The following OR4N2 variants were observed in gnomAD, a reference collection of about 807,000 sequenced individuals.
OR4N2 encodes olfactory receptor family 4 subfamily N member 2.
For missense variants in OR4N2, 307 were observed against 377.6 expected (o/e 0.81, Z 1.55); for synonymous variants, 141 against 140.4 (o/e 1.00, Z -0.03).
intron 1 of OR4N2, chr14:19,821,875 T>C (rs1235506365): frequency 2.5e-4 from 38 of 152,244 alleles, no homozygotes; most frequent in African/African-American, 9.2e-4. Flanking sequence ...AAATCTAAGG[T>C]TCCTCATGTG....
intron 1 of OR4N2, among the ~76,000 whole-genome samples, chr14:19,805,795 AG>A (rs1346457485): frequency 3.3e-5 from 5 of 152,154 alleles, no homozygotes; most frequent in Admixed American, 6.5e-5. Context: ...GATTCACCAC[AG>A]TTAATGCAAA....
chr14:19,810,765 G>T (rs1169157057), intron 1 of OR4N2, among the ~76,000 whole-genome samples: 1 of 152,208 alleles, frequency 6.6e-6, no homozygotes, highest in East Asian at 1.9e-4. Flanking sequence ...ATTTTGAAAT[G>T]ATTACCAAAA....
At chr14:19,825,903 AT>A in intron 1 of OR4N2, among the ~76,000 whole-genome samples, 1 of 152,232 alleles carries the variant, frequency 6.6e-6, no homozygotes. Flanking sequence ...GTTAAATCAT[AT>A]TAAGAATATC....
chr14:19,821,470 AT>A (rs1261233566), intron 1 of OR4N2, among the ~76,000 whole-genome samples: 1 of 151,934 alleles, frequency 6.6e-6, no homozygotes, highest in Non-Finnish European at 1.5e-5. Flanking sequence ...GTATATATGT[AT>A]TTTTTGCCTC....
rs1481824270 is a variant in OR4N2, at chr14:19,828,318, C to T, written c.870C>T (p.Arg290=). Reference sequence around the variant, plus strand: ...TGAATCCTGTCATTTATACCCTTCGCAACCAGGAAGTGAAAGCTTCCATGA... The same window carrying T: ...TGAATCCTGTCATTTATACCCTTCGTAACCAGGAAGTGAAAGCTTCCATGA... ...PLLNPVIYTL[R]NQEVKASMKK... Residue 290 remains arginine (R), a synonymous_variant, in exon 2 of 2, where the codon CGC becomes CGT. Transcript: ENST00000557677. The T allele has an allele frequency of 6.2e-7, 1 of 1,613,790 alleles. No individual in the cohort carries two copies. Among genetic ancestry groups the T allele is most frequent in the Non-Finnish European group, 8.5e-7 (1 of 1,179,986 alleles).
At chr14:19,812,752 G>A (rs1014074497) in intron 1 of OR4N2, among the ~76,000 whole-genome samples, 3 of 152,190 alleles carry the variant, frequency 2.0e-5, no homozygotes, top group Admixed American at 1.3e-4. Flanking sequence ...TAGTCAAGCT[G>A]AGCATTTTTT....
chr14:19,822,161 ACTCT>A (rs754747101), intron 1 of OR4N2: 30 of 152,248 alleles, frequency 2.0e-4, no homozygotes, highest in Non-Finnish European at 3.7e-4. Context: ...GGCACTATGT[ACTCT>A]CTCTCCTAAT....
At chr14:19,812,510 T>G (rs2138466461) in intron 1 of OR4N2, among the ~76,000 whole-genome samples, 1 of 152,046 alleles carries the variant, frequency 6.6e-6, no homozygotes, top group Admixed American at 6.5e-5. Context: ...TTTTGTTTGT[T>G]TGTTTGTTTG....
chr14:19,810,753 G>A (rs1236873770), intron 1 of OR4N2, among the ~76,000 whole-genome samples: 2 of 152,200 alleles, frequency 1.3e-5, no homozygotes, highest in Non-Finnish European at 2.9e-5. Context: ...TCAGAAATTG[G>A]TATTTTGAAA....
intron 1 of OR4N2, among the ~76,000 whole-genome samples, chr14:19,813,000 A>G (rs1467957101): frequency 6.6e-6 from 1 of 152,266 alleles, no homozygotes; most frequent in African/African-American, 2.4e-5. Flanking sequence ...GAAAAAATCT[A>G]TCCAAGGTGA....
intron 1 of OR4N2, among the ~76,000 whole-genome samples, chr14:19,804,765 C>T (rs1202758333): frequency 6.6e-6 from 1 of 152,182 alleles, no homozygotes; most frequent in African/African-American, 2.4e-5. Context: ...CATTTTCTAT[C>T]TCAATGCTCT....
chr14:19,812,201 T>A (rs747156986), intron 1 of OR4N2, among the ~76,000 whole-genome samples: 29 of 152,244 alleles, frequency 1.9e-4, no homozygotes, highest in African/African-American at 4.1e-4. Flanking sequence ...CTGATTTTTT[T>A]ATATAAAGTG....
intron 1 of OR4N2, chr14:19,822,326 T>A (rs1684264593): frequency 6.6e-6 from 1 of 152,274 alleles, no homozygotes; most frequent in Non-Finnish European, 1.5e-5. Context: ...ATTTTCCTTA[T>A]TAAATATGGA....
At chr14:19,820,697 G>T (rs1436984187) in intron 1 of OR4N2, among the ~76,000 whole-genome samples, 1 of 152,370 alleles carries the variant, frequency 6.6e-6, no homozygotes, top group African/African-American at 2.4e-5. Flanking sequence ...GCTCTGCCCA[G>T]TTCAAACTTC....
In OR4N2 at chr14:19,829,576, T is replaced by C. The variant is rs1199185581; in HGVS notation, c.*1204T>C. 2 of 152,422 alleles carry C rather than the reference T, an allele frequency of 1.3e-5. No homozygotes were observed. The highest frequency in any genetic ancestry group is 2.4e-5 in the African/African-American group (1 of 41,588). 9.4% of individuals were successfully genotyped at this position (152,422 alleles called of 1,614,324 possible). A position where few individuals can be genotyped will look rare whatever the true frequency, so the allele number is the denominator to read the frequency against. ...GTTTGTCTGAAAAACACTACAATTT[T>C]AGCCATGTGCCTGGGATCAAGTTGA... On this transcript the variant is annotated 3_prime_UTR_variant, in exon 2 of 2. Coordinates refer to ENST00000557677, the MANE Select transcript of OR4N2 (RefSeq NM_001004723.3).
At chr14:19,818,131 T>C (rs1879474017) in intron 1 of OR4N2, among the ~76,000 whole-genome samples, 1 of 152,348 alleles carries the variant, frequency 6.6e-6, no homozygotes, top group East Asian at 1.9e-4. Flanking sequence ...TTATAATAAG[T>C]GTGATGTGGT....
intron 1 of OR4N2, among the ~76,000 whole-genome samples, chr14:19,825,265 A>G (rs1181913735): frequency 6.6e-6 from 1 of 152,254 alleles, no homozygotes; most frequent in Non-Finnish European, 1.5e-5. Flanking sequence ...AAATTTCTGT[A>G]TTAACCACTC....
intron 1 of OR4N2, among the ~76,000 whole-genome samples, chr14:19,808,589 G>A (rs1879221959): frequency 6.6e-6 from 1 of 152,100 alleles, no homozygotes; most frequent in Non-Finnish European, 1.5e-5. Context: ...GAAATGAATG[G>A]AAAAAAATTC....
chr14:19,806,771 C>T (rs1265493923), intron 1 of OR4N2, among the ~76,000 whole-genome samples: 1 of 152,204 alleles, frequency 6.6e-6, no homozygotes, highest in Non-Finnish European at 1.5e-5. Flanking sequence ...TTCTCATCTG[C>T]ACATGGAACA....
Sources: gnomAD v4.1 joint callset for allele counts (sites outside exome capture counted in the v4.1 genomes callset) on GRCh38, gnomAD v4.1.1 for gene constraint, MANE v1.5 for transcripts, NCBI Gene and HGNC (gene_info 2026-07-23, HGNC 2026-07-21) for gene names.